ATP6V1B1: variants seen among roughly 807,000 people sequenced by gnomAD.
ATP6V1B1 encodes the protein V-type proton ATPase subunit B, kidney isoform.
ATP6V1B1 carries 41 observed loss-of-function variants against 62.1 expected under a neutral mutation model. The ratio of observed to expected loss-of-function variants is 0.66; its 90% CI spans 0.51 to 0.86. The LOEUF (loss-of-function observed/expected upper bound fraction) is 0.86. Ranked by LOEUF, ATP6V1B1 falls within the 40% of genes least tolerant of loss-of-function variation. ATP6V1B1 has a pLI of 0.00. For synonymous variants in ATP6V1B1, 253 were observed against 273.4 expected (o/e 0.93, Z 0.74); for missense variants, 651 against 697.5 (o/e 0.93, Z 0.75).
intron 2 of ATP6V1B1, among the ~76,000 whole-genome samples, chr2:70,948,931 G>C (rs1297806864): frequency 6.6e-6 from 1 of 152,160 alleles, no homozygotes; most frequent in Non-Finnish European, 1.5e-5. Flanking sequence ...GCCCCAACCC[G>C]CAAGCCCTTA....
intron 1 of ATP6V1B1, 36 bp from the exon 2 acceptor site, chr2:70,943,622 G>T: frequency 6.2e-7 from 1 of 1,605,734 alleles, no homozygotes; most frequent in Non-Finnish European, 8.5e-7. Flanking sequence ...AGGGTGTTTG[G>T]GGTGAGACCC....
chr2:70,941,357 C>T (rs1680001425), intron 1 of ATP6V1B1: 1 of 985,506 alleles, frequency 1.0e-6, no homozygotes, highest in Admixed American at 6.1e-5. Context: ...CATGCCAGCC[C>T]ACTGCCCCTC....
chr2:70,965,279 G>T lies in ATP6V1B1; in HGVS notation c.*158G>T. 2 of 1,062,276 alleles carry T rather than the reference G, an allele frequency of 1.9e-6. No individual in the cohort carries two copies. Among genetic ancestry groups the T allele is most frequent in the Admixed American group, 4.9e-5 (2 of 40,926 alleles). 65.8% of individuals were successfully genotyped at this position (1,062,276 alleles called of 1,614,324 possible). ...GCCGCACGCTCCATCCCTTTCCCTC[G>T]CTCGATTCCTTTTCCCGCGCTCCAT... On this transcript the variant is annotated 3_prime_UTR_variant, in exon 14 of 14. Coordinates refer to ENST00000234396, the MANE Select transcript of ATP6V1B1 (RefSeq NM_001692.4).
intron 2 of ATP6V1B1, among the ~76,000 whole-genome samples, chr2:70,944,956 C>T (rs888222267): frequency 1.3e-5 from 2 of 152,144 alleles, no homozygotes; most frequent in Non-Finnish European, 2.9e-5. Flanking sequence ...CGTGAGCCAC[C>T]GTGCCCAGCT....
chr2:70,961,757 AC>A, intron 8 of ATP6V1B1, 64 bp downstream of exon 8: 1 of 1,496,188 alleles, frequency 6.7e-7, no homozygotes, highest in Non-Finnish European at 9.3e-7. Context: ...TCCAAGACCT[AC>A]AGTACCAGGG....
At chr2:70,957,607 C>T (rs1324314547) in intron 2 of ATP6V1B1, among the ~76,000 whole-genome samples, 2 of 152,106 alleles carry the variant, frequency 1.3e-5, no homozygotes, top group Admixed American at 1.3e-4. Context: ...GTCATTATTA[C>T]ATCTTTATTG....
chr2:70,938,716 C>G (rs1679915963), intron 1 of ATP6V1B1: 2 of 985,362 alleles, frequency 2.0e-6, no homozygotes, highest in Middle Eastern at 5.2e-4. Context: ...AGAATGGTTC[C>G]CCAAGGGCCT....
intron 7 of ATP6V1B1, 30 bp from the exon 8 acceptor site, chr2:70,961,566 T>C (rs570327480): frequency 4.3e-6 from 7 of 1,611,452 alleles, no homozygotes; most frequent in South Asian, 1.1e-5. Flanking sequence ...CACAGGGCCC[T>C]ACCTCCAGCC....
At chr2:70,941,505 A>G (rs1381370155) in intron 1 of ATP6V1B1, 12 of 959,992 alleles carry the variant, frequency 1.3e-5, no homozygotes, top group African/African-American at 1.1e-4. Context: ...TGCTTCCTCC[A>G]AGCGCACCCA....
Position 70,963,059 on chromosome 2 carries a change from GC to G in ATP6V1B1, c.910-97del, listed in dbSNP as rs1470440813. 6.9e-6 allele frequency: 11 copies of G among 1,600,684 alleles called. No individual in the cohort carries two copies. The East Asian group carries it at 8.9e-5, about 13-fold the overall frequency. On this transcript the variant is annotated intron_variant, in intron 9 of 13. Transcript: ENST00000234396. The surrounding 1 kb of genome is among the most constrained non-coding windows in gnomAD (Gnocchi z 4.3). Reference sequence around the variant, plus strand: ...GTCTCAGCCTGGCCATTCCTCCCCTGCCCCCCACTCCATTTCTCACAGGGTC... The same window carrying G: ...GTCTCAGCCTGGCCATTCCTCCCCTGCCCCCACTCCATTTCTCACAGGGTC...
intron 12 of ATP6V1B1, 21 bp from the exon 13 acceptor site, chr2:70,964,715 G>A (rs782811482): frequency 9.3e-6 from 15 of 1,613,024 alleles, no homozygotes; most frequent in Middle Eastern, 1.7e-4. Flanking sequence ...AGCGGCCACC[G>A]ACGCCTTGCC....
At chr2:70,938,472 C>T (rs782627474) in intron 1 of ATP6V1B1, 2 of 858,152 alleles carry the variant, frequency 2.3e-6, no homozygotes, top group Non-Finnish European at 2.8e-6. Flanking sequence ...GGCAGGGAGG[C>T]CCCAGTGCTC....
At position 70,965,229 on chromosome 2, in the gene ATP6V1B1, C is replaced by T; in HGVS notation, c.*108C>T. 6.7e-7 allele frequency: 1 copy of T among 1,497,584 alleles called. No homozygotes were observed. Among genetic ancestry groups the T allele is most frequent in the African/African-American group, 1.4e-5 (1 of 72,470 alleles). 92.8% of individuals were successfully genotyped at this position (1,497,584 alleles called of 1,614,324 possible). A position where few individuals can be genotyped will look rare whatever the true frequency, so the allele number is the denominator to read the frequency against. ...CGGCTTCTGCGCCGCCCTCCGCCCT[C>T]CGCTGGCTCCGAGGTGGTGGGGGCG... On this transcript the variant is annotated 3_prime_UTR_variant, in exon 14 of 14. Transcript: ENST00000234396.
Position 70,958,103 on chromosome 2 carries a change from G to A in ATP6V1B1, c.232G>A (p.Gly78Arg), listed in dbSNP as rs121964881. The change falls in exon 3 of 14, where the codon GGG (glycine) becomes AGG (arginine). Residue 78 changes from glycine to arginine, a missense_variant. Transcript: ENST00000234396. The stretch of plus-strand genomic sequence containing the variant: ...CCTCCCAGATGGGACTCAGAGGAGC[G>A]GGCAGGTGCTTGAGGTGGCTGGCAC... ...FTLPDGTQRS[G>R]QVLEVAGTKA... 42 of 1,614,034 alleles carry A rather than the reference G, an allele frequency of 2.6e-5. No homozygotes were observed. The highest frequency in any genetic ancestry group is 1.5e-4 in the African/African-American group (11 of 74,912).
At chr2:70,947,446 C>A (rs1296988563) in intron 2 of ATP6V1B1, 1 of 152,140 alleles carries the variant, frequency 6.6e-6, no homozygotes, top group Non-Finnish European at 1.5e-5. Context: ...GGGGACCACA[C>A]GGAGAACCTC....
intron 2 of ATP6V1B1, among the ~76,000 whole-genome samples, chr2:70,954,421 G>A (rs2104820559): frequency 6.6e-6 from 1 of 152,212 alleles, no homozygotes; most frequent in Non-Finnish European, 1.5e-5. Flanking sequence ...TTACTTTTAT[G>A]GTCAGAGAAT....
chr2:70,964,370 C>T, intron 11 of ATP6V1B1, 68 bp from the exon 12 acceptor site: 3 of 1,530,270 alleles, frequency 2.0e-6, no homozygotes, highest in Non-Finnish European at 2.7e-6. Flanking sequence ...CTCCTGAGAA[C>T]AATTTGGGGA....
chr2:70,960,817 T>G (rs962034910), intron 6 of ATP6V1B1, 104 bp from the exon 7 acceptor site: 12 of 697,716 alleles, frequency 1.7e-5, no homozygotes, highest in Non-Finnish European at 2.4e-5. Context: ...CTCACCTCTC[T>G]GGGCTTGGAT....
chr2:70,936,343 C>A (rs2104795781), intron 1 of ATP6V1B1, among the ~76,000 whole-genome samples: 1 of 152,240 alleles, frequency 6.6e-6, no homozygotes, highest in African/African-American at 2.4e-5. Flanking sequence ...TGCTGTAACA[C>A]CCGAAGTCCA....
Sources: gnomAD v4.1 joint callset for allele counts (sites outside exome capture counted in the v4.1 genomes callset) on GRCh38, gnomAD v4.1.1 for gene constraint, Gnocchi (gnomAD v3.1) non-coding constraint, MANE v1.5 for transcripts, NCBI Gene and HGNC (gene_info 2026-07-23, HGNC 2026-07-21) for gene names.